The following HMGCLL1 variants were observed in gnomAD, a reference collection of about 807,000 sequenced individuals.
The protein encoded by HMGCLL1 is 3-hydroxymethyl-3-methylglutaryl-CoA lyase, cytoplasmic.
Under a neutral mutation model 39.1 loss-of-function variants are expected in HMGCLL1, and 36 were observed. The observed-to-expected ratio is 0.92, with a 90% CI of 0.71 to 1.22. HMGCLL1 has a LOEUF of 1.22. Among genes scored for constraint, HMGCLL1 ranks in the 50% most tolerant of loss-of-function variants. HMGCLL1 has a pLI of 0.00. For synonymous variants in HMGCLL1, 149 were observed against 144.0 expected (o/e 1.03, Z -0.25); for missense variants, 451 against 416.5 (o/e 1.08, Z -0.72).
the HMGCLL1 span, among the ~76,000 whole-genome samples, chr6:55,665,794 C>T: frequency 6.6e-6 from 1 of 151,784 alleles, no homozygotes; most frequent in East Asian, 1.9e-4. Flanking sequence ...TAAAAGTCCT[C>T]AATACAGCCT....
At chr6:55,571,021 T>C (rs889948325) in intron 1 of HMGCLL1, among the ~76,000 whole-genome samples, 2 of 152,126 alleles carry the variant, frequency 1.3e-5, no homozygotes, top group Non-Finnish European at 2.9e-5. Flanking sequence ...ACAAGAACAG[T>C]ATGCGGGGAA....
chr6:55,469,046 A>G (rs1277980206), intron 7 of HMGCLL1, among the ~76,000 whole-genome samples: 8 of 151,898 alleles, frequency 5.3e-5, no homozygotes, highest in African/African-American at 1.9e-4. Flanking sequence ...TTCTTCACTA[A>G]TTAGTTTTCT....
chr6:55,582,669 C>A (rs575652357), upstream of HMGCLL1, among the ~76,000 whole-genome samples: 8 of 152,150 alleles, frequency 5.3e-5, no homozygotes, highest in African/African-American at 1.4e-4. Context: ...CTTATTACAG[C>A]AATTTTGAGA....
At chr6:55,567,541 C>T (rs79438725) in intron 1 of HMGCLL1, among the ~76,000 whole-genome samples, 3,637 of 152,178 alleles carry the variant, frequency 0.024, 76 homozygotes, top group Admixed American at 0.037. Context: ...ACAAAGATTA[C>T]TATTGTTATC....
intron 1 of HMGCLL1, among the ~76,000 whole-genome samples, chr6:55,574,919 C>G (rs1771689839): frequency 6.6e-6 from 1 of 151,910 alleles, no homozygotes; most frequent in Non-Finnish European, 1.5e-5. Context: ...TAAATTTAAT[C>G]TCACATAATC....
intron 1 of HMGCLL1, among the ~76,000 whole-genome samples, chr6:55,558,960 C>A (rs1770806012): frequency 6.6e-6 from 1 of 152,204 alleles, no homozygotes; most frequent in African/African-American, 2.4e-5. Context: ...ATTTCCACCC[C>A]AAGGTAGCCA....
chr6:55,470,433 G>C (rs536560504), intron 7 of HMGCLL1, among the ~76,000 whole-genome samples: 54 of 151,874 alleles, frequency 3.6e-4, no homozygotes, highest in Non-Finnish European at 7.1e-4. Context: ...AATAACTTTA[G>C]GAGTTAGCAC....
In HMGCLL1 at chr6:55,516,520, A is replaced by G. The variant is rs1406631633; in HGVS notation, c.381T>C (p.Gly127=). 1 of 1,593,912 alleles carries G rather than the reference A, an allele frequency of 6.3e-7. No individual in the cohort carries two copies. Among genetic ancestry groups the G allele is most frequent in the African/African-American group, 1.3e-5 (1 of 74,730 alleles). ...RYPVLTPNLQ[G]FHHAVAAGAT... ...GTAGCACACTTACAGCATGGTGAAA[A>G]CCCTGAAGATTAGGAGTAAGGACAG... The change falls in exon 4 of 9, where the codon GGT becomes GGC. Residue 127 remains glycine (G), a synonymous_variant. Transcript: ENST00000274901.
the HMGCLL1 span, among the ~76,000 whole-genome samples, chr6:55,664,850 T>A: frequency 6.6e-6 from 1 of 151,662 alleles, no homozygotes; most frequent in Non-Finnish European, 1.5e-5. Context: ...TCTTCACACA[T>A]ATGGCAAATC....
At chr6:55,522,611 A>AATAC (rs1205842526) in intron 3 of HMGCLL1, among the ~76,000 whole-genome samples, 1 of 152,028 alleles carries the variant, frequency 6.6e-6, no homozygotes, top group Non-Finnish European at 1.5e-5. Context: ...GCCCTGAACA[A>AATAC]ATGCAGTTAC....
chr6:55,658,596 C>A, the HMGCLL1 span, among the ~76,000 whole-genome samples: 1 of 151,774 alleles, frequency 6.6e-6, no homozygotes, highest in Non-Finnish European at 1.5e-5. Flanking sequence ...GGGAAACCAA[C>A]AACAATGACA....
chr6:55,641,554 A>T, the HMGCLL1 span, among the ~76,000 whole-genome samples: 1 of 151,990 alleles, frequency 6.6e-6, no homozygotes, highest in Admixed American at 6.6e-5. Flanking sequence ...ACAAGGATAT[A>T]CTCTGTAGTT....
Position 55,536,603 on chromosome 6 carries a change from C to T in HMGCLL1, c.297+5126G>A, listed in dbSNP as rs530211890. On this transcript the variant is annotated intron_variant, in intron 3 of 8. Coordinates refer to ENST00000274901, the MANE Select transcript of HMGCLL1 (RefSeq NM_001042406.2). ...GCTGCTATTGTTCATTCCATCTGAG[C>T]GAGGGGCTATCTGGACTCATTTCAA... 3.3e-5 allele frequency among the ~76,000 whole-genome samples: 5 copies of T among 152,160 alleles called. No homozygotes were observed. The South Asian group carries it at 6.2e-4, about 19-fold the overall frequency.
intron 1 of HMGCLL1, among the ~76,000 whole-genome samples, chr6:55,565,455 G>A (rs919869025): frequency 1.3e-5 from 2 of 151,988 alleles, no homozygotes; most frequent in Non-Finnish European, 2.9e-5. Context: ...TGTATATTGT[G>A]TATTATTTCA....
intron 1 of HMGCLL1, among the ~76,000 whole-genome samples, chr6:55,549,072 G>A (rs1444509295): frequency 1.3e-5 from 2 of 151,384 alleles, no homozygotes; most frequent in Non-Finnish European, 2.9e-5. Flanking sequence ...ATTTATTCTT[G>A]TATTCATGGC....
chr6:55,648,652 C>A, the HMGCLL1 span, among the ~76,000 whole-genome samples: 1 of 57,324 alleles, frequency 1.7e-5, no homozygotes, highest in Non-Finnish European at 3.4e-5. Context: ...TACACTCTCC[C>A]AAGACTAAAC....
chr6:55,660,204 G>A, the HMGCLL1 span, among the ~76,000 whole-genome samples: 1 of 151,674 alleles, frequency 6.6e-6, no homozygotes, highest in South Asian at 2.1e-4. Flanking sequence ...GAAAAAGCCA[G>A]GTACAATCAT....
intron 7 of HMGCLL1, among the ~76,000 whole-genome samples, chr6:55,477,092 T>G (rs1765329412): frequency 2.0e-5 from 2 of 100,738 alleles, no homozygotes; most frequent in South Asian, 6.0e-4. Flanking sequence ...TGTGCACATG[T>G]ACCCCAGAAC....
chr6:55,615,857 A>G, the HMGCLL1 span, among the ~76,000 whole-genome samples: 7 of 152,078 alleles, frequency 4.6e-5, no homozygotes, highest in Non-Finnish European at 8.8e-5. Context: ...ATTTATGTCA[A>G]TAGGCAAAGA....
Sources: gnomAD v4.1 joint callset for allele counts (sites outside exome capture counted in the v4.1 genomes callset) on GRCh38, gnomAD v4.1.1 for gene constraint, MANE v1.5 for transcripts, NCBI Gene and HGNC (gene_info 2026-07-23, HGNC 2026-07-21) for gene names.